The following IRAG2 variants were observed in gnomAD, a reference collection of about 807,000 sequenced individuals.
The protein encoded by IRAG2 is inositol 1,4,5-triphosphate receptor associated 2.
In IRAG2, 45 loss-of-function variants were observed where a neutral mutation model predicts 69.9. The observed-to-expected ratio is 0.64, with a 90% CI of 0.51 to 0.83. The LOEUF is 0.83. Ranked by LOEUF, IRAG2 falls within the 40% of genes least tolerant of loss-of-function variation. The pLI is 0.00. For synonymous variants in IRAG2, 193 were observed against 202.4 expected (o/e 0.95, Z 0.40); for missense variants, 520 against 587.0 (o/e 0.89, Z 1.18).
intron 14 of IRAG2, among the ~76,000 whole-genome samples, chr12:25,094,438 G>A (rs1489173358): frequency 6.6e-6 from 1 of 151,964 alleles, no homozygotes; most frequent in Admixed American, 6.6e-5. Flanking sequence ...TGGTCTATAT[G>A]TCTGTTTTTA....
intron 4 of IRAG2, among the ~76,000 whole-genome samples, chr12:25,064,918 C>T (rs796349201): frequency 3.3e-5 from 5 of 152,138 alleles, no homozygotes; most frequent in African/African-American, 1.2e-4. Context: ...GGTGAAACCT[C>T]GTCTCTACTA....
intron 13 of IRAG2, among the ~76,000 whole-genome samples, chr12:25,034,274 C>T (rs1944689452): frequency 6.6e-6 from 1 of 152,136 alleles, no homozygotes; most frequent in Non-Finnish European, 1.5e-5. Flanking sequence ...AGTAGATATC[C>T]ATGAGTTATT....
chr12:25,007,773 C>T lies in IRAG2; in HGVS notation c.688+2419C>T, dbSNP rs1217946686. Reference sequence around the variant, plus strand: ...CTGACCTCAGGTGATCCACTCACCTCGGCTTCCCAAAGTGTTGGGATTACA... The same window carrying T: ...CTGACCTCAGGTGATCCACTCACCTTGGCTTCCCAAAGTGTTGGGATTACA... On this transcript the variant is annotated intron_variant, in intron 2 of 38. Coordinates refer to the IRAG2 transcript ENST00000636465. Among the ~76,000 whole-genome samples, 4 of 152,196 alleles carry T rather than the reference C, an allele frequency of 2.6e-5. No individual in the cohort carries two copies. The South Asian group carries it at 6.2e-4, about 24-fold the overall frequency.
intron 4 of IRAG2, among the ~76,000 whole-genome samples, chr12:25,065,100 A>AG (rs1945888566): frequency 1.3e-5 from 2 of 151,786 alleles, no homozygotes; most frequent in Non-Finnish European, 1.5e-5. Flanking sequence ...AAAAAAAAAA[A>AG]AGAGAGAGAG....
intron 21 of IRAG2, 109 bp from the exon 22 acceptor site, chr12:25,107,708 C>A (rs1009351419): frequency 2.0e-6 from 2 of 989,926 alleles, no homozygotes; most frequent in Non-Finnish European, 3.0e-6. Context: ...GATTAAAAGG[C>A]AGTTTTGGGG....
chr12:25,070,744 T>C (rs1339498090), intron 6 of IRAG2, among the ~76,000 whole-genome samples: 1 of 152,256 alleles, frequency 6.6e-6, no homozygotes, highest in East Asian at 1.9e-4. Context: ...TATATCCTTT[T>C]ACATTTCCAA....
At chr12:25,036,028 G>A (rs1313041807) in intron 14 of IRAG2, among the ~76,000 whole-genome samples, 1 of 152,156 alleles carries the variant, frequency 6.6e-6, no homozygotes, top group Non-Finnish European at 1.5e-5. Flanking sequence ...ATTTTTTCCT[G>A]TGAGCTAATC....
intron 14 of IRAG2, among the ~76,000 whole-genome samples, chr12:25,091,727 G>A (rs148479224): frequency 6.1e-4 from 93 of 152,082 alleles, no homozygotes; most frequent in African/African-American, 1.9e-3. Flanking sequence ...TGTTACCAAC[G>A]GTGCACAAAG....
chr12:25,041,150 G>C (rs1029299999), intron 16 of IRAG2, among the ~76,000 whole-genome samples: 1 of 152,106 alleles, frequency 6.6e-6, no homozygotes, highest in African/African-American at 2.4e-5. Flanking sequence ...TAGTGAGCTT[G>C]TTGTTTTTGA....
intron 15 of IRAG2, among the ~76,000 whole-genome samples, chr12:25,100,105 C>T (rs143887400): frequency 2.3e-3 from 338 of 148,864 alleles, no homozygotes; most frequent in African/African-American, 8.1e-3. Context: ...TATTTAACAT[C>T]CTTAAATGTA....
intron 3 of IRAG2, chr12:25,015,116 A>T: frequency 4.9e-6 from 2 of 411,974 alleles, no homozygotes; most frequent in Non-Finnish European, 6.7e-6. Context: ...AAAAAAAGAC[A>T]AAACTTGGTC....
intron 10 of IRAG2, chr12:25,030,972 C>T (rs1944663608): frequency 1.1e-6 from 1 of 918,912 alleles, no homozygotes; most frequent in Non-Finnish European, 1.3e-6. Context: ...AGATAGATAT[C>T]ATTCTATTCT....
intron 6 of IRAG2, among the ~76,000 whole-genome samples, chr12:25,077,209 G>GAAAT (rs1555138995): frequency 5.9e-5 from 2 of 33,714 alleles, no homozygotes; most frequent in Non-Finnish European, 7.4e-5. Context: ...ATATATATAT[G>GAAAT]ATATATATGA....
exon 14 of IRAG2, chr12:25,035,702 A>G (rs1565531141): frequency 2.5e-6 from 1 of 399,052 alleles, no homozygotes; most frequent in East Asian, 3.6e-5. Context: ...TCATCTCTGG[A>G]CGCCATGATG....
Position 25,083,451 on chromosome 12 carries a change from A to T in IRAG2, c.273A>T (p.Ala91=). ...CAAGTCCAGCTCATGATAATATTGCATTCCAAGACTCTACGAGTAAGGATA... is the reference window on the plus strand; with the variant it reads ...CAAGTCCAGCTCATGATAATATTGCTTTCCAAGACTCTACGAGTAAGGATA... ...QGTSPAHDNI[A]FQDSTSKDKT... Residue 91 remains alanine (A), a synonymous_variant, in exon 10 of 22, where the codon GCA becomes GCT. Coordinates refer to ENST00000556887, the MANE Select transcript of IRAG2 (RefSeq NM_001366544.2). The T allele has an allele frequency of 6.2e-7, 1 of 1,612,504 alleles. No individual in the cohort carries two copies. Among genetic ancestry groups the T allele is most frequent in the Non-Finnish European group, 8.5e-7 (1 of 1,178,588 alleles).
At chr12:25,014,977 A>G (rs181084828) in intron 3 of IRAG2, among the ~76,000 whole-genome samples, 1 of 151,458 alleles carries the variant, frequency 6.6e-6, no homozygotes, top group Admixed American at 6.6e-5. Context: ...ACTATTTTCT[A>G]TCACTCTAAG....
upstream of IRAG2, among the ~76,000 whole-genome samples, chr12:25,048,820 G>A (rs752375101): frequency 1.3e-5 from 2 of 152,154 alleles, no homozygotes; most frequent in Non-Finnish European, 2.9e-5. Context: ...TGGTGCTTTT[G>A]TTGTGAAATC....
At position 25,103,915 on chromosome 12, in the gene IRAG2, A is replaced by G. The variant is rs1592108242; in HGVS notation, c.996+16A>G. 1 of 1,608,412 alleles carries G rather than the reference A, an allele frequency of 6.2e-7. No homozygotes were observed. The highest frequency in any genetic ancestry group is 2.2e-5 in the East Asian group (1 of 44,752). ...TGCAGGAATGGTAAGACAATTCCTA[A>G]GTGTTCTTAGTCAAAGGTAAATTCA... On this transcript the variant is annotated intron_variant, in intron 18 of 21. Coordinates refer to ENST00000556887, the MANE Select transcript of IRAG2 (RefSeq NM_001366544.2).
At chr12:25,020,748 A>T in intron 6 of IRAG2, 1 of 946,752 alleles carries the variant, frequency 1.1e-6, no homozygotes, top group African/African-American at 1.7e-5. Context: ...TGACGGTTAT[A>T]TTTGAGGTTT....
Sources: gnomAD v4.1 joint callset for allele counts (sites outside exome capture counted in the v4.1 genomes callset) on GRCh38, gnomAD v4.1.1 for gene constraint, MANE v1.5 for transcripts, NCBI Gene and HGNC (gene_info 2026-07-23, HGNC 2026-07-21) for gene names.